CAMTA1: variants seen among roughly 807,000 people sequenced by gnomAD.
CAMTA1 encodes calmodulin binding transcription activator 1, also known as calmodulin-binding transcription activator 1.
A neutral mutation model predicts 170.9 loss-of-function variants in CAMTA1; 27 were observed. That is an observed-to-expected ratio of 0.16 (90% CI 0.12 to 0.22). The LOEUF is 0.22. Ranked by LOEUF, CAMTA1 falls within the 10% of genes least tolerant of loss-of-function variation. The pLI, the probability that CAMTA1 is intolerant of heterozygous loss-of-function variation, is 1.00. For synonymous variants in CAMTA1, 833 were observed against 891.5 expected (o/e 0.93, Z 1.17); for missense variants, 1,619 against 2,217.2 (o/e 0.73, Z 5.42).
At chr1:7,448,646 G>C (rs2092737851) in intron 5 of CAMTA1, among the ~76,000 whole-genome samples, 1 of 152,214 alleles carries the variant, frequency 6.6e-6, no homozygotes, top group Non-Finnish European at 1.5e-5. Context: ...TCGGTATCTG[G>C]TGAGGGCCTT....
intron 5 of CAMTA1, among the ~76,000 whole-genome samples, chr1:7,270,232 CACAT>C (rs1174115532): frequency 1.0e-4 from 8 of 78,846 alleles, no homozygotes; most frequent in African/African-American, 4.4e-4. Flanking sequence ...CATATATATA[CACAT>C]ATATACATAC....
At chr1:7,552,303 C>T (rs2094814063) in intron 6 of CAMTA1, among the ~76,000 whole-genome samples, 1 of 152,254 alleles carries the variant, frequency 6.6e-6, no homozygotes, top group Non-Finnish European at 1.5e-5. Flanking sequence ...GAGCCCGGAC[C>T]TCACTCAGCC....
At chr1:6,786,191 C>G (rs2147952197) in intron 1 of CAMTA1, among the ~76,000 whole-genome samples, 1 of 152,108 alleles carries the variant, frequency 6.6e-6, no homozygotes, top group South Asian at 2.1e-4. Context: ...TTCTCCCCGC[C>G]AGGGGGACCC....
At chr1:7,461,965 C>T (rs1002028138) in intron 5 of CAMTA1, among the ~76,000 whole-genome samples, 2 of 152,262 alleles carry the variant, frequency 1.3e-5, no homozygotes, top group Admixed American at 6.5e-5. Flanking sequence ...TGCCTAAGGG[C>T]GCACAGGAAA....
At chr1:7,737,059 A>G (rs1036123826) in intron 14 of CAMTA1, 50 bp downstream of exon 14, 29 of 1,485,922 alleles carry the variant, frequency 2.0e-5, no homozygotes, top group Non-Finnish European at 2.5e-5. Context: ...CCAGTCTGGC[A>G]TAGGATTTGC....
Position 7,534,108 on chromosome 1 carries a change from C to T in CAMTA1, c.510+66207C>T, listed in dbSNP as rs913266536. ...GGACTCCTGAGGCCCCTCCCATCAC[C>T]GGTCACCCCGCCCGCCAGGCCCCTG... is the stretch of plus-strand genomic sequence containing the variant. On this transcript the variant is annotated intron_variant, in intron 6 of 22. Coordinates refer to ENST00000303635, the MANE Select transcript of CAMTA1 (RefSeq NM_015215.4). The surrounding 1 kb of genome is among the most constrained non-coding windows in gnomAD (Gnocchi z 5.6). 4.6e-5 allele frequency among the ~76,000 whole-genome samples: 7 copies of T among 152,136 alleles called. No individual in the cohort carries two copies. The highest frequency in any genetic ancestry group is 1.2e-4 in the African/African-American group (5 of 41,424).
rs1666328021 is a variant in CAMTA1, at chr1:7,249,657, C to T, written c.438+31C>T. On this transcript the variant is annotated intron_variant, in intron 5 of 22. Transcript: ENST00000303635. This position sits in a 1 kb window ranked among gnomAD's most constrained non-coding sequence, Gnocchi z 4.4. ...CAGCAGAAAAGGTTCCCTTGGTGCA[C>T]AAATGTCATTTGCAGGCTGCAGTGG... The T allele has an allele frequency of 1.2e-6, 2 of 1,609,084 alleles. No homozygotes were observed. The highest frequency in any genetic ancestry group is 2.7e-5 in the African/African-American group (2 of 74,724).
chr1:7,606,208 C>T (rs2095485314), intron 6 of CAMTA1, among the ~76,000 whole-genome samples: 1 of 152,200 alleles, frequency 6.6e-6, no homozygotes, highest in African/African-American at 2.4e-5. Context: ...CACCTTCTTC[C>T]CAGGCAGGGG....
At chr1:7,042,574 G>A (rs535177923) in intron 3 of CAMTA1, among the ~76,000 whole-genome samples, 92 of 152,346 alleles carry the variant, frequency 6.0e-4, no homozygotes, top group African/African-American at 2.1e-3. Context: ...CTGAGCCCGT[G>A]CCCTCTAAGC....
intron 7 of CAMTA1, among the ~76,000 whole-genome samples, chr1:7,648,391 C>CAAA (rs553719319): frequency 5.3e-5 from 6 of 112,770 alleles, no homozygotes; most frequent in African/African-American, 1.9e-4. Context: ...GACTCCACCT[C>CAAA]AAAAAAAAAA....
intron 6 of CAMTA1, among the ~76,000 whole-genome samples, chr1:7,612,625 C>T (rs957554957): frequency 2.6e-5 from 4 of 152,176 alleles, no homozygotes; most frequent in Non-Finnish European, 5.9e-5. Context: ...GCCTCCTGTC[C>T]GTATCACCAC....
chr1:7,371,209 C>T (rs1448308229), intron 5 of CAMTA1, among the ~76,000 whole-genome samples: 2 of 151,078 alleles, frequency 1.3e-5, no homozygotes, highest in Non-Finnish European at 2.9e-5. Context: ...CCGTGCCTGG[C>T]CTGGATGTGG....
rs188513298 is a variant in CAMTA1 at position 7,690,508 on chromosome 1, A to T, written c.2914+12775A>T. Among the ~76,000 whole-genome samples, 822 of 152,358 alleles carry T rather than the reference A, an allele frequency of 5.4e-3. 26 individuals carry two copies. The highest frequency in any genetic ancestry group is 0.046 in the Admixed American group (699 of 15,312). Reference sequence around the variant, plus strand: ...TTGGTGGTCTTGAGAAGAGCTGGTGACATCCTGCATCACTTCAGTGGCACC... The same window carrying T: ...TTGGTGGTCTTGAGAAGAGCTGGTGTCATCCTGCATCACTTCAGTGGCACC... On this transcript the variant is annotated intron_variant, in intron 11 of 22. Coordinates refer to ENST00000303635, the MANE Select transcript of CAMTA1 (RefSeq NM_015215.4).
intron 16 of CAMTA1, among the ~76,000 whole-genome samples, chr1:7,742,561 C>G (rs1226157926): frequency 6.6e-6 from 1 of 152,162 alleles, no homozygotes; most frequent in Non-Finnish European, 1.5e-5. Context: ...GCCGTCTTCT[C>G]TGAGCACAAT....
intron 2 of CAMTA1, among the ~76,000 whole-genome samples, chr1:6,822,794 C>CCA (rs3061932): frequency 0.17 from 24,205 of 146,440 alleles, 2,084 homozygotes; most frequent in East Asian, 0.28. Flanking sequence ...TACATAAATA[C>CCA]CACACACACA....
At chr1:7,529,986 T>C (rs976052526) in intron 6 of CAMTA1, among the ~76,000 whole-genome samples, 1 of 152,216 alleles carries the variant, frequency 6.6e-6, no homozygotes, top group Non-Finnish European at 1.5e-5. Flanking sequence ...GTGCCCAGCA[T>C]GCTCCCCTGC....
At chr1:6,980,522 C>T (rs1263645990) in intron 3 of CAMTA1, among the ~76,000 whole-genome samples, 3 of 152,134 alleles carry the variant, frequency 2.0e-5, no homozygotes, top group Non-Finnish European at 4.4e-5. Context: ...TTAGGTTATA[C>T]AGTGATTTGG....
rs577879551 is a variant in CAMTA1, at chr1:7,769,208, G to T, written c.*2717G>T. On this transcript the variant is annotated 3_prime_UTR_variant, in exon 23 of 23. Transcript: ENST00000303635. Reference sequence around the variant, plus strand: ...CCACTGAAACGAAGCATTTCTGACCGCTTTTTCTTGGTTATGAATCTTAAT... The same window carrying T: ...CCACTGAAACGAAGCATTTCTGACCTCTTTTTCTTGGTTATGAATCTTAAT... 1 of 152,680 alleles carries T rather than the reference G, an allele frequency of 6.5e-6. No homozygotes were observed. Among genetic ancestry groups the T allele is most frequent in the Non-Finnish European group, 1.5e-5 (1 of 68,028 alleles). The allele number at this position is 152,680 out of a possible 1,614,324, so 9.5% of individuals were successfully genotyped here.
chr1:7,737,333 G>C lies in CAMTA1; in HGVS notation c.3421G>C (p.Asp1141His). 1 of 1,614,152 alleles carries C rather than the reference G, an allele frequency of 6.2e-7. No individual in the cohort carries two copies. The highest frequency in any genetic ancestry group is 2.2e-5 in the East Asian group (1 of 44,882). The stretch of plus-strand genomic sequence containing the variant: ...GGACCGTCGGGCCATCTCGATTCCC[G>C]ACTCTCTAGGAAGGCTGCCTTTGGG... ...KWDRRAISIP[D>H]SLGRLPLGIA... is the part of the protein sequence containing the mutation. Residue 1141 changes from aspartate to histidine, a missense_variant, in exon 15 of 23, where the codon GAC (aspartate) becomes CAC (histidine). Physicochemically the swap from Asp to His is moderately conservative, Grantham distance 81. Coordinates refer to ENST00000303635, the MANE Select transcript of CAMTA1 (RefSeq NM_015215.4).
Sources: allele counts gnomAD v4.1 joint callset (sites outside exome capture counted in the v4.1 genomes callset), GRCh38; gene constraint gnomAD v4.1.1; non-coding constraint Gnocchi (gnomAD v3.1); transcripts MANE v1.5; gene names NCBI Gene and HGNC (gene_info 2026-07-23, HGNC 2026-07-21).